Variants in ZNF350 observed in about 807,000 individuals in gnomAD.
ZNF350 encodes zinc finger protein 350.
A neutral mutation model predicts 13.1 loss-of-function variants in ZNF350; 5 were observed. The observed-to-expected ratio is 0.38, with a 90% CI of 0.20 to 0.80. The LOEUF is 0.80. Ranked by LOEUF, ZNF350 falls within the 30% of genes least tolerant of loss-of-function variation. ZNF350 has a pLI of 0.43. For missense variants in ZNF350, 534 were observed against 644.2 expected (o/e 0.83, Z 1.85); for synonymous variants, 199 against 224.2 (o/e 0.89, Z 1.00).
At chr19:51,975,223 C>T (rs1374111217) in intron 1 of ZNF350, among the ~76,000 whole-genome samples, 1 of 152,148 alleles carries the variant, frequency 6.6e-6, no homozygotes, top group African/African-American at 2.4e-5. Flanking sequence ...AATCCCAGCA[C>T]TTTGGGATGC....
chr19:51,981,580 C>T (rs2086046414), intron 1 of ZNF350, among the ~76,000 whole-genome samples: 1 of 152,090 alleles, frequency 6.6e-6, no homozygotes, highest in African/African-American at 2.4e-5. Flanking sequence ...GTTGATATGT[C>T]TGAACCAAAA....
At chr19:51,966,476 G>A (rs991400592) in intron 4 of ZNF350, among the ~76,000 whole-genome samples, 1 of 151,574 alleles carries the variant, frequency 6.6e-6, no homozygotes, top group Non-Finnish European at 1.5e-5. Flanking sequence ...TACAGACGGG[G>A]TCTCACCATG....
intron 1 of ZNF350, among the ~76,000 whole-genome samples, chr19:51,982,354 CAG>C (rs1176508725): frequency 6.6e-6 from 1 of 151,960 alleles, no homozygotes; most frequent in East Asian, 1.9e-4. Flanking sequence ...AAAATCCTAA[CAG>C]AGCACTTAAC....
chr19:51,965,583 A>G lies in ZNF350; in HGVS notation c.870T>C (p.Tyr290=), dbSNP rs766302326. ...HQKTHTGEKP[Y]ICSECGKGFI... ...AGCCTTTTCCACATTCACTGCATAT[A>G]TAGGGTTTCTCTCCGGTATGTGTTT... is the stretch of plus-strand genomic sequence containing the variant. Residue 290 remains tyrosine, a synonymous_variant, in exon 5 of 5, where the codon TAT becomes TAC. Coordinates refer to ENST00000243644, the MANE Select transcript of ZNF350 (RefSeq NM_021632.4). 1.2e-5 allele frequency: 19 copies of G among 1,614,234 alleles called. No individual in the cohort carries two copies. Among genetic ancestry groups the G allele is most frequent in the East Asian group, 2.2e-5 (1 of 44,884 alleles).
At chr19:51,968,905 C>G in intron 3 of ZNF350, 100 bp downstream of exon 3, 1 of 1,609,742 alleles carries the variant, frequency 6.2e-7, no homozygotes, top group African/African-American at 1.3e-5. Context: ...TGAGAATCTA[C>G]CACTTCAGAG....
At chr19:51,966,438 C>T (rs1021108739) in intron 4 of ZNF350, among the ~76,000 whole-genome samples, 2 of 151,820 alleles carry the variant, frequency 1.3e-5, no homozygotes, top group African/African-American at 2.4e-5. Flanking sequence ...TGCCTGCTAC[C>T]ATGCCCGGCT....
intron 4 of ZNF350, among the ~76,000 whole-genome samples, chr19:51,966,503 C>T (rs952305870): frequency 6.6e-6 from 1 of 151,382 alleles, no homozygotes; most frequent in Admixed American, 6.6e-5. Context: ...AGGCTGGTCT[C>T]GAACTCCTGA....
chr19:51,975,442 A>C (rs1176734842), intron 1 of ZNF350, among the ~76,000 whole-genome samples: 2 of 151,384 alleles, frequency 1.3e-5, no homozygotes, highest in Admixed American at 6.6e-5. Context: ...AAAAAAAAAA[A>C]AAAAAAAAAA....
Position 51,976,987 on chromosome 19 carries a change from C to T in ZNF350, c.-171-2456G>A, listed in dbSNP as rs1225946634. ...TAAAAATCTGAAAGAATTTGTTGAC[C>T]CACCCACAGCTCCAATTAAAAATAA... On this transcript the variant is annotated intron_variant, in intron 1 of 4. Coordinates refer to ENST00000243644, the MANE Select transcript of ZNF350 (RefSeq NM_021632.4). This position sits in a 1 kb window ranked among gnomAD's most constrained non-coding sequence, Gnocchi z 4.5. 1 of 152,068 alleles carries T rather than the reference C, an allele frequency of 6.6e-6. No homozygotes were observed. Among genetic ancestry groups the T allele is most frequent in the Non-Finnish European group, 1.5e-5 (1 of 68,008 alleles). The allele number at this position is 152,068 out of a possible 1,614,324, so 9.4% of individuals were successfully genotyped here.
At chr19:51,974,220 T>G in intron 2 of ZNF350, 126 bp downstream of exon 2, 1 of 1,019,644 alleles carries the variant, frequency 9.8e-7, no homozygotes, top group Admixed American at 2.5e-5. Flanking sequence ...AAAACTAAGC[T>G]TACTTCTCTC....
intron 1 of ZNF350, among the ~76,000 whole-genome samples, chr19:51,981,695 T>G (rs1420454132): frequency 6.6e-6 from 1 of 151,736 alleles, no homozygotes; most frequent in Non-Finnish European, 1.5e-5. Context: ...TGACCAGAAA[T>G]CCTAAAGAAT....
At chr19:51,977,268 G>C (rs944122225) in intron 1 of ZNF350, among the ~76,000 whole-genome samples, 2 of 152,194 alleles carry the variant, frequency 1.3e-5, no homozygotes, top group Non-Finnish European at 2.9e-5. Context: ...AAGCAAGAGT[G>C]GTAAATGATG....
intron 2 of ZNF350, 129 bp downstream of exon 2, chr19:51,974,217 A>C: frequency 4.1e-6 from 4 of 970,274 alleles, no homozygotes; most frequent in Non-Finnish European, 6.1e-6. Context: ...TTAAAAACTA[A>C]GCTTACTTCT....
intron 1 of ZNF350, among the ~76,000 whole-genome samples, chr19:51,979,645 T>A (rs1037221913): frequency 2.0e-5 from 3 of 152,216 alleles, no homozygotes; most frequent in African/African-American, 7.2e-5. Context: ...TTGTGCTGAT[T>A]ATACAGAATG....
chr19:51,975,885 C>T (rs780709622), intron 1 of ZNF350, among the ~76,000 whole-genome samples: 30 of 152,324 alleles, frequency 2.0e-4, no homozygotes, highest in African/African-American at 5.1e-4. Flanking sequence ...TGCAGGGAGC[C>T]GAAGGCTCGT....
chr19:51,985,666 G>A (rs561223045), intron 1 of ZNF350, among the ~76,000 whole-genome samples: 7 of 152,302 alleles, frequency 4.6e-5, no homozygotes, highest in African/African-American at 1.7e-4. Flanking sequence ...TGGAGATTCT[G>A]TTAAGAAAGT....
chr19:51,968,372 CAGA>C, intron 4 of ZNF350: 1 of 576,428 alleles, frequency 1.7e-6, no homozygotes, highest in East Asian at 2.9e-5. Flanking sequence ...ATAAAATAAT[CAGA>C]TCTCTGAGGA....
chr19:51,977,135 C>T (rs1043816997), intron 1 of ZNF350, among the ~76,000 whole-genome samples: 7 of 152,172 alleles, frequency 4.6e-5, no homozygotes, highest in African/African-American at 1.7e-4. Flanking sequence ...TGCTCTGCTG[C>T]CATAGCTGGA....
intron 2 of ZNF350, 55 bp from the exon 3 acceptor site, chr19:51,969,186 A>G (rs1687793808): frequency 6.3e-7 from 1 of 1,587,942 alleles, no homozygotes; most frequent in Admixed American, 1.7e-5. Flanking sequence ...TGTGGAAGAA[A>G]TGCTAAAGTT....
Sources: allele counts gnomAD v4.1 joint callset (sites outside exome capture counted in the v4.1 genomes callset), GRCh38; gene constraint gnomAD v4.1.1; non-coding constraint Gnocchi (gnomAD v3.1); transcripts MANE v1.5; gene names NCBI Gene and HGNC (gene_info 2026-07-23, HGNC 2026-07-21).